The following TSPAN9 variants were observed in gnomAD, a reference collection of about 807,000 sequenced individuals.
The protein encoded by TSPAN9 is tetraspanin 9, also known as tetraspanin-9.
In TSPAN9, 16 loss-of-function variants were observed where a neutral mutation model predicts 31.0. That is an observed-to-expected ratio of 0.52 (90% CI 0.35 to 0.78). The LOEUF (loss-of-function observed/expected upper bound fraction) is 0.78, where lower values mean the gene tolerates loss of function less well. TSPAN9 is among the 30% of genes least tolerant of loss of function. The pLI is 0.01. For synonymous variants in TSPAN9, 145 were observed against 121.6 expected (o/e 1.19, Z -1.27); for missense variants, 272 against 312.5 (o/e 0.87, Z 0.98).
chr12:3,125,758 G>C (rs1344128528), intron 2 of TSPAN9, among the ~76,000 whole-genome samples: 1 of 152,030 alleles, frequency 6.6e-6, no homozygotes, highest in Non-Finnish European at 1.5e-5. Context: ...CACCAGGGCA[G>C]CCTGGTGTCA....
At chr12:3,167,031 A>C (rs1261357997) in intron 2 of TSPAN9, among the ~76,000 whole-genome samples, 2 of 152,174 alleles carry the variant, frequency 1.3e-5, no homozygotes, top group Non-Finnish European at 2.9e-5. Flanking sequence ...TCCTGACCTC[A>C]GGTGATCCAC....
intron 2 of TSPAN9, among the ~76,000 whole-genome samples, chr12:3,139,067 A>G (rs1412001126): frequency 6.7e-6 from 1 of 149,820 alleles, no homozygotes; most frequent in African/African-American, 2.5e-5. Flanking sequence ...GCCCCTCCCC[A>G]GAACCCACAT....
intron 2 of TSPAN9, among the ~76,000 whole-genome samples, chr12:3,110,228 A>T (rs1382342285): frequency 6.6e-6 from 1 of 152,148 alleles, no homozygotes; most frequent in African/African-American, 2.4e-5. Flanking sequence ...TACAGAGGCC[A>T]AGACCCTGCC....
chr12:3,115,327 C>T (rs1365003451), intron 2 of TSPAN9, among the ~76,000 whole-genome samples: 3 of 152,302 alleles, frequency 2.0e-5, no homozygotes, highest in African/African-American at 7.2e-5. Flanking sequence ...TGTACCCATT[C>T]GTCATTGACT....
chr12:3,261,448 C>T (rs575774212), intron 3 of TSPAN9, among the ~76,000 whole-genome samples: 6 of 152,264 alleles, frequency 3.9e-5, no homozygotes, highest in South Asian at 2.1e-4. Flanking sequence ...AGAACCTAGG[C>T]GCTGGCTCGA....
chr12:3,085,461 T>G (rs1388600631), intron 2 of TSPAN9, among the ~76,000 whole-genome samples: 1 of 151,850 alleles, frequency 6.6e-6, no homozygotes, highest in East Asian at 1.9e-4. Context: ...GAGGGAGATG[T>G]GAGTGGAGGC....
chr12:3,240,394 A>C (rs571974810), intron 3 of TSPAN9, among the ~76,000 whole-genome samples: 1 of 152,330 alleles, frequency 6.6e-6, no homozygotes, highest in East Asian at 1.9e-4. Context: ...GGGGGCCAGC[A>C]GTCACTCTCG....
intron 3 of TSPAN9, among the ~76,000 whole-genome samples, chr12:3,270,406 A>G (rs1318482017): frequency 6.6e-6 from 1 of 152,222 alleles, no homozygotes; most frequent in Non-Finnish European, 1.5e-5. Context: ...CTATCTAGGC[A>G]TCGCCGTGTT....
At chr12:3,128,705 G>A (rs1282677364) in intron 2 of TSPAN9, among the ~76,000 whole-genome samples, 1 of 152,168 alleles carries the variant, frequency 6.6e-6, no homozygotes, top group African/African-American at 2.4e-5. Flanking sequence ...TAAAAGGAAA[G>A]ACTAAACACT....
At chr12:3,191,893 T>C (rs950093887) in intron 2 of TSPAN9, among the ~76,000 whole-genome samples, 5 of 152,136 alleles carry the variant, frequency 3.3e-5, no homozygotes, top group African/African-American at 9.7e-5. Flanking sequence ...AGGAGTTGTA[T>C]TGAAAGAAAG....
chr12:3,161,383 T>C (rs917840499), intron 2 of TSPAN9, among the ~76,000 whole-genome samples: 3 of 152,208 alleles, frequency 2.0e-5, no homozygotes, highest in Middle Eastern at 3.2e-3. Context: ...ACTCTTACAT[T>C]TAGGTTCATG....
chr12:3,137,762 C>T (rs562112702), intron 2 of TSPAN9, among the ~76,000 whole-genome samples: 6 of 152,288 alleles, frequency 3.9e-5, no homozygotes, highest in African/African-American at 1.2e-4. Context: ...AGCCTACAGC[C>T]CAGTACCCCT....
intron 2 of TSPAN9, among the ~76,000 whole-genome samples, chr12:3,176,864 T>C (rs183755534): frequency 2.3e-3 from 350 of 152,320 alleles, no homozygotes; most frequent in Non-Finnish European, 2.3e-3. Context: ...CTTTAAATAT[T>C]CCATGAAAAT....
chr12:3,151,935 A>G (rs1205364455), intron 2 of TSPAN9, among the ~76,000 whole-genome samples: 1 of 152,152 alleles, frequency 6.6e-6, no homozygotes, highest in Non-Finnish European at 1.5e-5. Flanking sequence ...AAAAAACAAA[A>G]AAAACACACA....
At chr12:3,196,419 C>CT (rs1290829901) in intron 2 of TSPAN9, among the ~76,000 whole-genome samples, 1 of 152,148 alleles carries the variant, frequency 6.6e-6, no homozygotes, top group Non-Finnish European at 1.5e-5. Context: ...GTCTGTTAGC[C>CT]TGGAAGATTC....
intron 2 of TSPAN9, among the ~76,000 whole-genome samples, chr12:3,095,528 G>A (rs1314476651): frequency 8.0e-6 from 1 of 124,448 alleles, no homozygotes; most frequent in Non-Finnish European, 1.8e-5. Context: ...CCTCCCGGAC[G>A]GGGCGGCTGG....
intron 3 of TSPAN9, chr12:3,273,258 A>G (rs1862718493): frequency 6.6e-6 from 1 of 152,238 alleles, no homozygotes; most frequent in Non-Finnish European, 1.5e-5. Context: ...TAAGGATGGG[A>G]TTCGTCTTCT....
rs191600460 is a variant in TSPAN9, at chr12:3,119,259, A to G, written c.-18+35540A>G. ...TTGAATAACCAGCAGTTCCTGCTTTACCTTTGATGCATCAGGTGCTGCACT... is the reference window on the plus strand; with the variant it reads ...TTGAATAACCAGCAGTTCCTGCTTTGCCTTTGATGCATCAGGTGCTGCACT... On this transcript the variant is annotated intron_variant, in intron 2 of 8. Transcript: ENST00000011898. Among the ~76,000 whole-genome samples the G allele has an allele frequency of 1.1e-4, 17 of 152,314 alleles. 1 individual carries two copies. Among genetic ancestry groups the G allele is most frequent in the Admixed American group, 3.9e-4 (6 of 15,310 alleles).
chr12:3,114,833 G>T (rs960448450), intron 2 of TSPAN9, among the ~76,000 whole-genome samples: 4 of 133,464 alleles, frequency 3.0e-5, no homozygotes, highest in Non-Finnish European at 3.1e-5. Context: ...ACAGAGTGAG[G>T]CTCCATCTCA....
Sources: gnomAD v4.1 joint callset for allele counts (sites outside exome capture counted in the v4.1 genomes callset) on GRCh38, gnomAD v4.1.1 for gene constraint, MANE v1.5 for transcripts, NCBI Gene and HGNC (gene_info 2026-07-23, HGNC 2026-07-21) for gene names.